Variants in PTPRK observed in about 807,000 individuals in gnomAD.
The protein encoded by PTPRK is receptor-type tyrosine-protein phosphatase kappa.
A neutral mutation model predicts 178.0 loss-of-function variants in PTPRK; 75 were observed. The observed-to-expected ratio is 0.42, with a 90% CI of 0.35 to 0.51. The LOEUF is 0.51. PTPRK is among the 20% of genes least tolerant of loss of function. The pLI, the probability that PTPRK is intolerant of heterozygous loss-of-function variation, is 0.02. For synonymous variants in PTPRK, 637 were observed against 620.6 expected, an observed-to-expected ratio of 1.03 and a Z score of -0.39; for missense variants, 1,441 against 1,797.8, an observed-to-expected ratio of 0.80 and a Z score of 3.59.
intron 7 of PTPRK, among the ~76,000 whole-genome samples, chr6:128,129,297 A>C (rs1488354080): frequency 1.3e-5 from 2 of 152,252 alleles, no homozygotes; most frequent in Admixed American, 1.3e-4. Flanking sequence ...TAATATTCCA[A>C]TGTTATTCAT....
At chr6:128,326,043 A>G (rs758141161) in intron 2 of PTPRK, among the ~76,000 whole-genome samples, 28 of 152,310 alleles carry the variant, frequency 1.8e-4, no homozygotes, top group Non-Finnish European at 2.1e-4. Context: ...GTTGAAAACC[A>G]TAATTCTCAG....
At chr6:128,092,159 T>G (rs1411004576) in intron 7 of PTPRK, among the ~76,000 whole-genome samples, 1 of 152,196 alleles carries the variant, frequency 6.6e-6, no homozygotes, top group Non-Finnish European at 1.5e-5. Flanking sequence ...CTTTATTAAC[T>G]GATATGGAAA....
chr6:128,419,423 T>C (rs529001532), intron 1 of PTPRK, among the ~76,000 whole-genome samples: 63 of 150,598 alleles, frequency 4.2e-4, no homozygotes, highest in African/African-American at 1.5e-3. Flanking sequence ...CCGTCCTGGC[T>C]AACACGGTGA....
chr6:128,512,588 A>G (rs1002485886), intron 1 of PTPRK, among the ~76,000 whole-genome samples: 2 of 152,242 alleles, frequency 1.3e-5, no homozygotes, highest in African/African-American at 4.8e-5. Flanking sequence ...TTACAGGCTC[A>G]TTAATAAGAA....
At position 128,498,411 on chromosome 6, in the gene PTPRK, C is replaced by T. The variant is rs1400720406; in HGVS notation, c.100+21848G>A. On this transcript the variant is annotated intron_variant, in intron 1 of 29. Transcript: ENST00000368226. Reference sequence around the variant, plus strand: ...AGCTCCCTCCAACCCATGGGGGAGACGTTTACTCAGTTCAATAAACAGCAC... The same window carrying T: ...AGCTCCCTCCAACCCATGGGGGAGATGTTTACTCAGTTCAATAAACAGCAC... Among the ~76,000 whole-genome samples the T allele has an allele frequency of 3.9e-5, 6 of 152,188 alleles. No homozygotes were observed. In the South Asian group the frequency reaches 6.2e-4, roughly 16 times the overall value.
intron 3 of PTPRK, among the ~76,000 whole-genome samples, chr6:128,266,829 G>A (rs1030392641): frequency 4.6e-5 from 7 of 152,078 alleles, no homozygotes; most frequent in Non-Finnish European, 7.4e-5. Flanking sequence ...CCTAACCAGC[G>A]GGGCTTGTGC....
chr6:128,387,534 C>A (rs537654750), intron 2 of PTPRK, among the ~76,000 whole-genome samples: 6 of 152,136 alleles, frequency 3.9e-5, no homozygotes, highest in Non-Finnish European at 7.4e-5. Flanking sequence ...TTCCCTTATT[C>A]CTATAATCTT....
intron 1 of PTPRK, among the ~76,000 whole-genome samples, chr6:128,468,627 T>C (rs1850206468): frequency 6.6e-6 from 1 of 152,078 alleles, no homozygotes; most frequent in Admixed American, 6.6e-5. Flanking sequence ...CACCAAAACC[T>C]CCAGCAATTC....
chr6:128,351,878 C>G (rs927162745), intron 2 of PTPRK, among the ~76,000 whole-genome samples: 4 of 152,122 alleles, frequency 2.6e-5, no homozygotes, highest in African/African-American at 9.7e-5. Context: ...GATCATCCAT[C>G]TCAATTTTCT....
chr6:128,370,207 G>C (rs1279073436), intron 2 of PTPRK, among the ~76,000 whole-genome samples: 1 of 152,046 alleles, frequency 6.6e-6, no homozygotes, highest in Non-Finnish European at 1.5e-5. Context: ...TGTAGTACTT[G>C]CCTTCCACCC....
chr6:128,384,551 C>A (rs1363395236), intron 2 of PTPRK, among the ~76,000 whole-genome samples: 1 of 152,036 alleles, frequency 6.6e-6, no homozygotes, highest in Non-Finnish European at 1.5e-5. Flanking sequence ...GTTGGACAAG[C>A]TTGATGTAAA....
intron 2 of PTPRK, among the ~76,000 whole-genome samples, chr6:128,355,893 C>T (rs1417133043): frequency 6.6e-6 from 1 of 152,192 alleles, no homozygotes; most frequent in Non-Finnish European, 1.5e-5. Flanking sequence ...TAGAATTTCA[C>T]AATTTAAGAA....
chr6:127,991,297 G>A lies in PTPRK; in HGVS notation c.2976C>T (p.Gly992=). The A allele has an allele frequency of 1.3e-6, 2 of 1,585,918 alleles. No homozygotes were observed. The highest frequency in any genetic ancestry group is 1.7e-6 in the Non-Finnish European group (2 of 1,167,516). The change falls in exon 20 of 30, where the codon GGC becomes GGT. Residue 992 remains glycine, a synonymous_variant. Transcript: ENST00000368226. ...IVMVTNLVEV[G]RVKCYKYWPD... ...AAATTCTTTTTCTTCCTCTTACCCG[G>A]CCAACCTCAACTAAATTTGTAACCA...
chr6:128,338,357 G>A (rs192870641), intron 2 of PTPRK, among the ~76,000 whole-genome samples: 136 of 152,172 alleles, frequency 8.9e-4, no homozygotes, highest in Admixed American at 2.4e-3. Flanking sequence ...ACAAGAGACA[G>A]GTATCCAGAA....
intron 7 of PTPRK, among the ~76,000 whole-genome samples, chr6:128,130,796 G>A (rs1447159778): frequency 6.6e-6 from 1 of 151,974 alleles, no homozygotes; most frequent in Non-Finnish European, 1.5e-5. Flanking sequence ...GATACCCAAG[G>A]CTCTGAAAAC....
At chr6:128,508,013 G>C (rs1856615773) in intron 1 of PTPRK, among the ~76,000 whole-genome samples, 2 of 152,118 alleles carry the variant, frequency 1.3e-5, no homozygotes. Flanking sequence ...ACTATGGAAA[G>C]ACTACTGATA....
intron 15 of PTPRK, among the ~76,000 whole-genome samples, chr6:128,001,674 G>A (rs540928861): frequency 6.6e-6 from 1 of 151,758 alleles, no homozygotes; most frequent in Admixed American, 6.6e-5. Flanking sequence ...CCATGAAAAA[G>A]GTATGGTAGG....
chr6:128,187,906 A>G (rs1291527329), intron 6 of PTPRK, among the ~76,000 whole-genome samples: 1 of 152,212 alleles, frequency 6.6e-6, no homozygotes, highest in Non-Finnish European at 1.5e-5. Flanking sequence ...ATATTAGCAT[A>G]TGTATTTTGT....
chr6:128,318,793 C>G (rs1459435323), intron 3 of PTPRK, among the ~76,000 whole-genome samples: 1 of 152,160 alleles, frequency 6.6e-6, no homozygotes, highest in Admixed American at 6.6e-5. Context: ...TAGAGGTATG[C>G]TGATCTTCAG....
Sources: gnomAD v4.1 joint callset for allele counts (sites outside exome capture counted in the v4.1 genomes callset) on GRCh38, gnomAD v4.1.1 for gene constraint, MANE v1.5 for transcripts, NCBI Gene and HGNC (gene_info 2026-07-23, HGNC 2026-07-21) for gene names.